The following SH3BP5 variants were observed in gnomAD, a reference collection of about 807,000 sequenced individuals.
SH3BP5 encodes the protein SH3 domain-binding protein 5.
A neutral mutation model predicts 43.3 loss-of-function variants in SH3BP5; 22 were observed. That is an observed-to-expected ratio of 0.51 (90% CI 0.36 to 0.73). The LOEUF (loss-of-function observed/expected upper bound fraction) is 0.73. Ranked by LOEUF, SH3BP5 falls within the 30% of genes least tolerant of loss-of-function variation. The pLI, the probability that SH3BP5 is intolerant of heterozygous loss-of-function variation, is 0.00. For missense variants in SH3BP5, 529 were observed against 586.9 expected (o/e 0.90, Z 1.02); for synonymous variants, 255 against 225.8 (o/e 1.13, Z -1.16).
At chr3:15,286,495 G>C (rs1697268587) in intron 3 of SH3BP5, among the ~76,000 whole-genome samples, 1 of 152,242 alleles carries the variant, frequency 6.6e-6, no homozygotes, top group Admixed American at 6.5e-5. Flanking sequence ...TCTCAGGGTT[G>C]AAATGACTAC....
At chr3:15,274,840 C>T (rs896940842) in intron 3 of SH3BP5, among the ~76,000 whole-genome samples, 10 of 152,154 alleles carry the variant, frequency 6.6e-5, no homozygotes, top group African/African-American at 1.2e-4. Flanking sequence ...AGGTGTGAGC[C>T]GCCACACCCA....
chr3:15,325,504 G>T (rs922736275), intron 2 of SH3BP5, among the ~76,000 whole-genome samples: 14 of 152,128 alleles, frequency 9.2e-5, no homozygotes, highest in Admixed American at 3.3e-4. Flanking sequence ...CCCTCCCCTT[G>T]CCTCCAAACA....
At chr3:15,293,912 T>C (rs1477531254) in intron 3 of SH3BP5, among the ~76,000 whole-genome samples, 1 of 151,920 alleles carries the variant, frequency 6.6e-6, no homozygotes, top group Non-Finnish European at 1.5e-5. Flanking sequence ...ATCCTGTCTC[T>C]ACTAAAAATA....
At chr3:15,326,369 G>A (rs999103334) in intron 2 of SH3BP5, among the ~76,000 whole-genome samples, 2 of 152,208 alleles carry the variant, frequency 1.3e-5, no homozygotes, top group African/African-American at 4.8e-5. Context: ...GCTACCCACA[G>A]ACAACTGCAC....
intron 2 of SH3BP5, among the ~76,000 whole-genome samples, chr3:15,322,767 C>T (rs922249708): frequency 1.3e-5 from 2 of 151,922 alleles, no homozygotes; most frequent in African/African-American, 4.8e-5. Flanking sequence ...CCCAGGAGTT[C>T]GAGGCTCCAG....
intron 2 of SH3BP5, among the ~76,000 whole-genome samples, chr3:15,328,419 T>TAAAA (rs56022759): frequency 6.4e-5 from 9 of 140,258 alleles, no homozygotes; most frequent in Non-Finnish European, 6.2e-5. Context: ...TCAATGCTTT[T>TAAAA]AAAAAAAAAA....
At chr3:15,331,424 A>T (rs3773463) in intron 1 of SH3BP5, among the ~76,000 whole-genome samples, 21,669 of 151,446 alleles carry the variant, frequency 0.14, 1,793 homozygotes, top group East Asian at 0.32. Flanking sequence ...CAATTTTTTT[A>T]AAAAAATGAT....
intron 2 of SH3BP5, among the ~76,000 whole-genome samples, chr3:15,329,798 A>G (rs570125409): frequency 7.4e-4 from 113 of 152,300 alleles, no homozygotes; most frequent in African/African-American, 2.6e-3. Context: ...TGGTTGTTCA[A>G]ATTTGCTGAT....
intron 6 of SH3BP5, 124 bp from the exon 7 acceptor site, chr3:15,259,174 C>T (rs1696336802): frequency 1.5e-5 from 11 of 743,128 alleles, no homozygotes; most frequent in Non-Finnish European, 2.5e-5. Context: ...CAAGACATGA[C>T]TGAAGACCTA....
chr3:15,302,953 C>T (rs925347002), intron 3 of SH3BP5, among the ~76,000 whole-genome samples: 7 of 152,028 alleles, frequency 4.6e-5, no homozygotes, highest in Admixed American at 6.6e-5. Context: ...GGATTACAGG[C>T]GCCCACCACC....
chr3:15,295,974 T>C (rs534668559), intron 3 of SH3BP5, among the ~76,000 whole-genome samples: 12 of 152,068 alleles, frequency 7.9e-5, no homozygotes, highest in African/African-American at 2.9e-4. Flanking sequence ...ACACACTAAA[T>C]AAGGGGTCTT....
At chr3:15,331,467 G>T (rs182393775) in intron 1 of SH3BP5, among the ~76,000 whole-genome samples, 1 of 152,296 alleles carries the variant, frequency 6.6e-6, no homozygotes, top group Admixed American at 6.5e-5. Context: ...ACGGGCCTTA[G>T]AAAGGGATTT....
At chr3:15,259,117 A>G in intron 6 of SH3BP5, 67 bp from the exon 7 acceptor site, 3 of 1,267,400 alleles carry the variant, frequency 2.4e-6, no homozygotes, top group Non-Finnish European at 3.4e-6. Context: ...TCTGAATGAC[A>G]GGTTCAAGTA....
At chr3:15,259,898 C>A in intron 5 of SH3BP5, 95 bp from the exon 6 acceptor site, 1 of 1,109,284 alleles carries the variant, frequency 9.0e-7, no homozygotes, top group Non-Finnish European at 1.4e-6. Flanking sequence ...CTACCACTGG[C>A]CAGGTCGTCC....
rs545676208 is a variant in SH3BP5 at position 15,324,216 on chromosome 3, A to C, written c.201+6288T>G. Among the ~76,000 whole-genome samples, 7 of 152,298 alleles carry C rather than the reference A, an allele frequency of 4.6e-5. No homozygotes were observed. The South Asian group carries it at 1.5e-3, about 32-fold the overall frequency. ...CCTCCTCCACTTTAAGGCTGATGTT[A>C]TCTCTTCAGACTATCTGGGGTCTGC... On this transcript the variant is annotated intron_variant, in intron 2 of 8. Coordinates refer to ENST00000383791, the MANE Select transcript of SH3BP5 (RefSeq NM_004844.5).
chr3:15,324,888 C>G (rs1698422839), intron 2 of SH3BP5, among the ~76,000 whole-genome samples: 1 of 146,868 alleles, frequency 6.8e-6, no homozygotes, highest in South Asian at 2.2e-4. Flanking sequence ...TAAGAGAAAA[C>G]ATTTGCTGGT....
chr3:15,259,492 A>G (rs1696351849), intron 6 of SH3BP5: 1 of 574,768 alleles, frequency 1.7e-6, no homozygotes, highest in South Asian at 2.0e-5. Context: ...TCAGGTCTCC[A>G]GGTGATGCTG....
At chr3:15,304,070 G>A (rs1433589195) in intron 3 of SH3BP5, 33 bp downstream of exon 3, 2 of 1,586,114 alleles carry the variant, frequency 1.3e-6, no homozygotes, top group South Asian at 1.1e-5. Context: ...AGTGAGGCTC[G>A]AGGTAGGGGA....
chr3:15,301,295 T>C (rs1697745295), intron 3 of SH3BP5, among the ~76,000 whole-genome samples: 1 of 152,132 alleles, frequency 6.6e-6, no homozygotes, highest in Admixed American at 6.5e-5. Context: ...GGAGAGGAAA[T>C]GCTCATGACT....
Sources: allele counts gnomAD v4.1 joint callset (sites outside exome capture counted in the v4.1 genomes callset), GRCh38; gene constraint gnomAD v4.1.1; transcripts MANE v1.5; gene names NCBI Gene and HGNC (gene_info 2026-07-23, HGNC 2026-07-21).